Variants in TMEM106B observed in about 807,000 individuals in gnomAD.
TMEM106B encodes the protein transmembrane protein 106B.
TMEM106B carries 15 observed loss-of-function variants against 31.1 expected under a neutral mutation model. The ratio of observed to expected loss-of-function variants is 0.48; its 90% CI spans 0.32 to 0.74. The LOEUF (loss-of-function observed/expected upper bound fraction) is 0.74. Among genes scored for constraint, TMEM106B ranks in the 30% least tolerant of loss-of-function variants. TMEM106B has a pLI of 0.03. For missense variants in TMEM106B, 283 were observed against 327.3 expected (o/e 0.86, Z 1.04); for synonymous variants, 126 against 112.5 (o/e 1.12, Z -0.76).
Position 12,237,777 on chromosome 7 carries a change from A to C in TMEM106B, c.*5802A>C, listed in dbSNP as rs973191668. On this transcript the variant is annotated 3_prime_UTR_variant, in exon 8 of 8. Transcript: ENST00000396668. The stretch of plus-strand genomic sequence containing the variant: ...CCTGAGCCCAGAAGTTCAAGACCAA[A>C]TTGGTCAACATGGCGAGACCCCATA... 1 of 151,472 alleles carries C rather than the reference A, an allele frequency of 6.6e-6. No homozygotes were observed. The highest frequency in any genetic ancestry group is 2.4e-5 in the African/African-American group (1 of 41,134). The allele number at this position is 151,472 out of a possible 1,614,324, so 9.4% of individuals were successfully genotyped here.
intron 4 of TMEM106B, among the ~76,000 whole-genome samples, chr7:12,225,069 C>T (rs1781873378): frequency 6.6e-6 from 1 of 152,048 alleles, no homozygotes; most frequent in Non-Finnish European, 1.5e-5. Flanking sequence ...TCCCTGTATC[C>T]AAGTATTCTC....
chr7:12,229,049 G>T (rs1475204966), intron 4 of TMEM106B, among the ~76,000 whole-genome samples: 2 of 152,042 alleles, frequency 1.3e-5, no homozygotes, highest in African/African-American at 4.8e-5. Context: ...ATCATTTAGT[G>T]TCTATGGATT....
chr7:12,234,993 A>G lies in TMEM106B; in HGVS notation c.*3018A>G, dbSNP rs1385525077. The G allele has an allele frequency of 6.6e-6, 1 of 151,986 alleles. No homozygotes were observed. Among genetic ancestry groups the G allele is most frequent in the African/African-American group, 2.4e-5 (1 of 41,436 alleles). The allele number at this position is 151,986 out of a possible 1,614,324, so 9.4% of individuals were successfully genotyped here. Reference sequence around the variant, plus strand: ...CTGTCTCCCATATCTGTGTTCTATCATTTAAAATATATATTGGAAATCCCT... The same window carrying G: ...CTGTCTCCCATATCTGTGTTCTATCGTTTAAAATATATATTGGAAATCCCT... On this transcript the variant is annotated 3_prime_UTR_variant, in exon 8 of 8. Coordinates refer to ENST00000396668, the MANE Select transcript of TMEM106B (RefSeq NM_001134232.2).
Position 12,231,210 on chromosome 7 carries a change from A to T in TMEM106B, c.686+95A>T, listed in dbSNP as rs1387498338. 3 of 906,428 alleles carry T rather than the reference A, an allele frequency of 3.3e-6. No individual in the cohort carries two copies. The African/African-American group carries it at 5.2e-5, about 16-fold the overall frequency. The allele number at this position is 906,428 out of a possible 1,614,324, so 56.1% of individuals were successfully genotyped here. On this transcript the variant is annotated intron_variant, in intron 7 of 7. Transcript: ENST00000396668. ...TATACACAACATCTTTATAAATGCC[A>T]CCTCAGTTGGGTTTTAAGCCTTACA... is the stretch of plus-strand genomic sequence containing the variant.
intron 3 of TMEM106B, among the ~76,000 whole-genome samples, chr7:12,219,759 C>G (rs931813012): frequency 6.6e-6 from 1 of 151,990 alleles, no homozygotes. Flanking sequence ...GGAAATAGAA[C>G]ATAAACGGGA....
intron 6 of TMEM106B, 191 bp downstream of exon 6, chr7:12,230,629 T>C (rs371037357): frequency 4.8e-6 from 2 of 420,406 alleles, no homozygotes; most frequent in African/African-American, 2.1e-5. Context: ...ACACATAAAA[T>C]TTGTTTTTTT....
At position 12,241,119 on chromosome 7, in the gene TMEM106B, C is replaced by G. The variant is rs975426177; in HGVS notation, c.*9144C>G. 1 of 151,952 alleles carries G rather than the reference C, an allele frequency of 6.6e-6. No individual in the cohort carries two copies. Among genetic ancestry groups the G allele is most frequent in the Non-Finnish European group, 1.5e-5 (1 of 67,992 alleles). 9.4% of individuals were successfully genotyped at this position (151,952 alleles called of 1,614,324 possible). On this transcript the variant is annotated 3_prime_UTR_variant, in exon 8 of 8. Coordinates refer to ENST00000396668, the MANE Select transcript of TMEM106B (RefSeq NM_001134232.2). ...TCCTTAAAAATGATATATTGGAAAC[C>G]ACTGATTTCTTATTTTCATTTCATG...
In TMEM106B at chr7:12,211,363, G is replaced by A. The variant is rs769749370; in HGVS notation, c.-65G>A. On this transcript the variant is annotated 5_prime_UTR_variant, in exon 1 of 8. Transcript: ENST00000396668. Reference sequence around the variant, plus strand: ...CGGCTCCCGGGACTGTGGACTCCACGACCCTGTCCTCGGCCCTGTCCGCGC... The same window carrying A: ...CGGCTCCCGGGACTGTGGACTCCACAACCCTGTCCTCGGCCCTGTCCGCGC... 5 of 152,350 alleles carry A rather than the reference G, an allele frequency of 3.3e-5. No homozygotes were observed. The highest frequency in any genetic ancestry group is 5.9e-5 in the Non-Finnish European group (4 of 68,152). The allele number at this position is 152,350 out of a possible 1,614,324, so 9.4% of individuals were successfully genotyped here.
chr7:12,224,467 A>C, intron 4 of TMEM106B, 82 bp downstream of exon 4: 1 of 1,200,138 alleles, frequency 8.3e-7, no homozygotes, highest in South Asian at 1.5e-5. Flanking sequence ...TTGAGAAGAG[A>C]TGTTTGTTAA....
rs1782226803 is a variant in TMEM106B at position 12,240,792 on chromosome 7, A to G, written c.*8817A>G. Reference sequence around the variant, plus strand: ...GAGGAACCTTGATATGTGACAAAACAGATGCTTTGATTTGAGAGCAGAAGA... The same window carrying G: ...GAGGAACCTTGATATGTGACAAAACGGATGCTTTGATTTGAGAGCAGAAGA... On this transcript the variant is annotated 3_prime_UTR_variant, in exon 8 of 8. Coordinates refer to ENST00000396668, the MANE Select transcript of TMEM106B (RefSeq NM_001134232.2). The G allele has an allele frequency of 6.6e-6, 1 of 151,452 alleles. No individual in the cohort carries two copies. Among genetic ancestry groups the G allele is most frequent in the South Asian group, 2.1e-4 (1 of 4,822 alleles). The allele number at this position is 151,452 out of a possible 1,614,324, so 9.4% of individuals were successfully genotyped here. A position where few individuals can be genotyped will look rare whatever the true frequency, so the allele number is the denominator to read the frequency against.
At chr7:12,230,252 C>T in intron 5 of TMEM106B, 137 bp from the exon 6 acceptor site, 2 of 724,186 alleles carry the variant, frequency 2.8e-6, no homozygotes, top group East Asian at 5.2e-5. Context: ...GTGTCTTATA[C>T]ACATACAAGA....
At position 12,232,068 on chromosome 7, in the gene TMEM106B, GAAC is replaced by G. The variant is rs1782037344; in HGVS notation, c.*96_*98del. 7.9e-7 allele frequency: 1 copy of G among 1,265,020 alleles called. No individual in the cohort carries two copies. The highest frequency in any genetic ancestry group is 2.5e-5 in the East Asian group (1 of 39,606). 78.4% of individuals were successfully genotyped at this position (1,265,020 alleles called of 1,614,324 possible). On this transcript the variant is annotated 3_prime_UTR_variant, in exon 8 of 8. Transcript: ENST00000396668. Reference sequence around the variant, plus strand: ...ATTTCCTAATAGGAGACCTTAAATTGAACAAACCTAAAGTTTACACTTCTAAGA... The same window carrying G: ...ATTTCCTAATAGGAGACCTTAAATTGAAACCTAAAGTTTACACTTCTAAGA...
Position 12,235,911 on chromosome 7 carries a change from A to T in TMEM106B, c.*3936A>T, listed in dbSNP as rs1436777610. The T allele has an allele frequency of 1.3e-5, 2 of 151,840 alleles. No homozygotes were observed. Among genetic ancestry groups the T allele is most frequent in the African/African-American group, 4.8e-5 (2 of 41,412 alleles). The allele number at this position is 151,840 out of a possible 1,614,324, so 9.4% of individuals were successfully genotyped here. On this transcript the variant is annotated 3_prime_UTR_variant, in exon 8 of 8. Coordinates refer to ENST00000396668, the MANE Select transcript of TMEM106B (RefSeq NM_001134232.2). ...TAGCTCACATCTGGAAGCAGCAACT[A>T]CTTGGCTCAAGTACATATAAGAGTA...
Position 12,231,985 on chromosome 7 carries a change from G to A in TMEM106B, c.*10G>A. The A allele has an allele frequency of 6.2e-7, 1 of 1,608,032 alleles. No individual in the cohort carries two copies. The highest frequency in any genetic ancestry group is 8.5e-7 in the Non-Finnish European group (1 of 1,176,030). ...TCAGCCACAACAGTAAAAACTGGAA[G>A]AGATGGATTTAAAGAAGAAATATCT... On this transcript the variant is annotated 3_prime_UTR_variant, in exon 8 of 8. Transcript: ENST00000396668.
In TMEM106B at chr7:12,231,377, G is replaced by GC. The variant is rs1782019490; in HGVS notation, c.686+266dup. 2.0e-5 allele frequency: 7 copies of GC among 355,572 alleles called. No homozygotes were observed. In the Admixed American group the frequency reaches 3.3e-4, roughly 17 times the overall value. The allele number at this position is 355,572 out of a possible 1,614,324, so 22.0% of individuals were successfully genotyped here. On this transcript the variant is annotated intron_variant, in intron 7 of 7. Coordinates refer to ENST00000396668, the MANE Select transcript of TMEM106B (RefSeq NM_001134232.2). ...AAATGGAAAGGATACAGGGAACTGA[G>GC]CCCCACATCCAATTCCTTACTCCCT...
intron 3 of TMEM106B, among the ~76,000 whole-genome samples, chr7:12,222,830 G>C (rs1375092941): frequency 6.6e-6 from 1 of 152,096 alleles, no homozygotes; most frequent in Non-Finnish European, 1.5e-5. Context: ...TTCTTAACTT[G>C]GGCAACTTAA....
intron 4 of TMEM106B, among the ~76,000 whole-genome samples, chr7:12,225,552 A>G (rs1050175113): frequency 7.9e-5 from 12 of 152,184 alleles, no homozygotes; most frequent in African/African-American, 2.9e-4. Flanking sequence ...ACTTTTTAAT[A>G]ATCGCCATTC....
rs143326264 is a variant in TMEM106B at position 12,239,494 on chromosome 7, C to G, written c.*7519C>G. The G allele has an allele frequency of 2.0e-5, 3 of 152,270 alleles. No homozygotes were observed. The highest frequency in any genetic ancestry group is 7.2e-5 in the African/African-American group (3 of 41,552). The allele number at this position is 152,270 out of a possible 1,614,324, so 9.4% of individuals were successfully genotyped here. On this transcript the variant is annotated 3_prime_UTR_variant, in exon 8 of 8. Coordinates refer to ENST00000396668, the MANE Select transcript of TMEM106B (RefSeq NM_001134232.2). Reference sequence around the variant, plus strand: ...AAGAACTTTTCCTTTGCCTTCACAACTTGTGCAAGAGACCTAGCTTTCAGC... The same window carrying G: ...AAGAACTTTTCCTTTGCCTTCACAAGTTGTGCAAGAGACCTAGCTTTCAGC...
intron 3 of TMEM106B, among the ~76,000 whole-genome samples, chr7:12,223,062 A>G (rs1327271429): frequency 1.3e-5 from 2 of 152,188 alleles, no homozygotes; most frequent in African/African-American, 2.4e-5. Flanking sequence ...CATCCAATAG[A>G]GGACTTGTAT....
Sources: allele counts gnomAD v4.1 joint callset (sites outside exome capture counted in the v4.1 genomes callset), GRCh38; gene constraint gnomAD v4.1.1; transcripts MANE v1.5; gene names NCBI Gene and HGNC (gene_info 2026-07-23, HGNC 2026-07-21).